MAST3: variants seen among roughly 807,000 people sequenced by gnomAD.
The protein encoded by MAST3 is microtubule-associated serine/threonine-protein kinase 3.
MAST3 carries 43 observed loss-of-function variants against 127.0 expected under a neutral mutation model. The ratio of observed to expected loss-of-function variants is 0.34; its 90% CI spans 0.27 to 0.44. The LOEUF (loss-of-function observed/expected upper bound fraction) is 0.44. MAST3 is among the 20% of genes least tolerant of loss of function. MAST3 has a pLI of 1.00. For synonymous variants in MAST3, 785 were observed against 809.2 expected, an observed-to-expected ratio of 0.97 and a Z score of 0.51; for missense variants, 1,390 against 1,919.1, an observed-to-expected ratio of 0.72 and a Z score of 5.15.
chr19:18,137,104 G>A (rs1277082257), intron 18 of MAST3, 135 bp from the exon 19 acceptor site: 24 of 1,065,922 alleles, frequency 2.3e-5, no homozygotes, highest in African/African-American at 3.2e-5. Context: ...TTACAGGTGT[G>A]AGCCACTGCG....
intron 1 of MAST3, among the ~76,000 whole-genome samples, chr19:18,102,656 A>G (rs2146808642): frequency 6.6e-6 from 1 of 151,868 alleles, no homozygotes; most frequent in Non-Finnish European, 1.5e-5. Context: ...TAATTTTTGT[A>G]TTTTAAGTAG....
At chr19:18,137,738 C>T (rs1313606392) in intron 19 of MAST3, among the ~76,000 whole-genome samples, 1 of 151,966 alleles carries the variant, frequency 6.6e-6, no homozygotes, top group Admixed American at 6.6e-5. Context: ...TTTTTGGAGG[C>T]GTCCCTGCAG....
chr19:18,130,363 A>C, intron 13 of MAST3, 131 bp from the exon 14 acceptor site: 1 of 763,506 alleles, frequency 1.3e-6, no homozygotes, highest in South Asian at 1.7e-5. Context: ...AGGTAAGGAG[A>C]ATGGGTGGCC....
intron 8 of MAST3, 47 bp from the exon 9 acceptor site, chr19:18,123,892 C>T: frequency 6.6e-7 from 1 of 1,510,190 alleles, no homozygotes; most frequent in Non-Finnish European, 8.9e-7. Flanking sequence ...GCGTGTGTCA[C>T]TCCAGCCCCG....
rs372818090 is a variant in MAST3 at position 18,147,535 on chromosome 19, C to T, written c.3419C>T (p.Ser1140Phe). 1 of 1,607,706 alleles carries T rather than the reference C, an allele frequency of 6.2e-7. No homozygotes were observed. The highest frequency in any genetic ancestry group is 8.5e-7 in the Non-Finnish European group (1 of 1,176,864). The change falls in exon 27 of 28, where the codon TCC becomes TTC. Residue 1140 changes from serine (S) to phenylalanine (F), a missense_variant. Ser to Phe is a radical substitution (Grantham distance 155). Coordinates refer to ENST00000687212, the MANE Select transcript of MAST3 (RefSeq NM_001393504.1). ...FSSGLHHSLSSSESLPGSPTH... is the reference protein window; with the variant it reads ...FSSGLHHSLSFSESLPGSPTH... Reference sequence around the variant, plus strand: ...TCCGGACTCCACCACTCACTGTCATCCAGTGAGAGCCTCCCCGGCTCGCCC... The same window carrying T: ...TCCGGACTCCACCACTCACTGTCATTCAGTGAGAGCCTCCCCGGCTCGCCC...
At chr19:18,126,572 G>C (rs1304620918) in intron 11 of MAST3, among the ~76,000 whole-genome samples, 1 of 152,156 alleles carries the variant, frequency 6.6e-6, no homozygotes, top group Non-Finnish European at 1.5e-5. Context: ...AGGAGTTTGA[G>C]ACCAGCTTGG....
intron 1 of MAST3, among the ~76,000 whole-genome samples, chr19:18,102,044 CTAA>C (rs2037677315): frequency 6.6e-6 from 1 of 151,842 alleles, no homozygotes; most frequent in South Asian, 2.1e-4. Flanking sequence ...CCACACCCGG[CTAA>C]TTTTTTGTAT....
intron 2 of MAST3, among the ~76,000 whole-genome samples, chr19:18,109,821 A>G (rs181106442): frequency 5.5e-4 from 84 of 152,244 alleles, no homozygotes; most frequent in African/African-American, 1.9e-3. Flanking sequence ...AGTGCTGAGC[A>G]GCTGGCCGGG....
In MAST3 at chr19:18,123,356, C is replaced by T. The variant is rs1225462296; in HGVS notation, c.539C>T (p.Pro180Leu). 2 of 1,612,398 alleles carry T rather than the reference C, an allele frequency of 1.2e-6. No homozygotes were observed. Among genetic ancestry groups the T allele is most frequent in the Non-Finnish European group, 1.7e-6 (2 of 1,179,662 alleles). Reference protein sequence around the residue: ...EEGGRSPRLRPRSRSLSPGRA... With the variant: ...EEGGRSPRLRLRSRSLSPGRA... ...GGCGGCCGGTCACCCCGCCTCCGAC[C>T]CCGCTCTCGCAGTCTCAGGTGGGCC... The change falls in exon 7 of 28, where the codon CCC (proline) becomes CTC (leucine). Residue 180 changes from proline to leucine, a missense_variant. This residue lies in a region of MAST3 where 277 missense variants were observed against 384.8 expected (regional missense o/e 0.72). Transcript: ENST00000687212.
At chr19:18,143,442 G>A (rs2042726478) in intron 21 of MAST3, among the ~76,000 whole-genome samples, 1 of 152,124 alleles carries the variant, frequency 6.6e-6, no homozygotes, top group Non-Finnish European at 1.5e-5. Context: ...CCAGTGTGGC[G>A]GCAGGCACCC....
At chr19:18,120,707 TG>T (rs1451656843) in intron 3 of MAST3, among the ~76,000 whole-genome samples, 4 of 151,650 alleles carry the variant, frequency 2.6e-5, no homozygotes, top group African/African-American at 9.7e-5. Context: ...GGCTAATTTT[TG>T]GTTTTTTTGT....
intron 6 of MAST3, among the ~76,000 whole-genome samples, chr19:18,122,977 T>C (rs2040177986): frequency 6.6e-6 from 1 of 152,202 alleles, no homozygotes; most frequent in Non-Finnish European, 1.5e-5. Flanking sequence ...CCTCAGCCTA[T>C]GGGGTCAGGG....
At chr19:18,134,490 C>T in intron 15 of MAST3, 89 bp from the exon 16 acceptor site, 1 of 1,470,986 alleles carries the variant, frequency 6.8e-7, no homozygotes, top group Non-Finnish European at 9.1e-7. Context: ...GAGCTCTGCC[C>T]ATCTCAGGCG....
intron 2 of MAST3, chr19:18,109,882 A>G (rs2038383972): frequency 4.3e-6 from 4 of 932,424 alleles, no homozygotes; most frequent in South Asian, 9.9e-5. Context: ...CGGCTCCCAG[A>G]GAGCCCCAGG....
At position 18,150,743 on chromosome 19, in the gene MAST3, G is replaced by A. The variant is rs1411876205; in HGVS notation, c.*1017G>A. On this transcript the variant is annotated 3_prime_UTR_variant, in exon 28 of 28. Transcript: ENST00000687212. ...AGCCTGGAGAAGGGATATGGGAGCT[G>A]GAGCTTTGATGGATGAATAGGTGTT... is the stretch of plus-strand genomic sequence containing the variant. 6.6e-6 allele frequency: 1 copy of A among 152,398 alleles called. No homozygotes were observed. The highest frequency in any genetic ancestry group is 1.5e-5 in the Non-Finnish European group (1 of 68,170). 9.4% of individuals were successfully genotyped at this position (152,398 alleles called of 1,614,324 possible).
At chr19:18,142,572 G>T (rs376533382) in intron 21 of MAST3, among the ~76,000 whole-genome samples, 1 of 151,266 alleles carries the variant, frequency 6.6e-6, no homozygotes, top group Non-Finnish European at 1.5e-5. Context: ...GGATGGTCTC[G>T]GTCTCCTGAC....
At chr19:18,111,973 T>C (rs2038699596) in intron 3 of MAST3, among the ~76,000 whole-genome samples, 1 of 152,206 alleles carries the variant, frequency 6.6e-6, no homozygotes, top group Non-Finnish European at 1.5e-5. Context: ...ACATAGTCCC[T>C]CCATCAATGA....
chr19:18,147,470 C>T lies in MAST3; in HGVS notation c.3354C>T (p.Ser1118=), dbSNP rs1023917472. 61 of 1,613,362 alleles carry T rather than the reference C, an allele frequency of 3.8e-5. No homozygotes were observed. Among genetic ancestry groups the T allele is most frequent in the African/African-American group, 5.3e-5 (4 of 74,838 alleles). The stretch of plus-strand genomic sequence containing the variant: ...GGAAGTCACTTTTCAAGAAGATCTC[C>T]AAGCAGACCTCCGTGCTGCACACCA... ...ERRKSLFKKI[S]KQTSVLHTSR... is the part of the protein sequence containing the mutation. The change falls in exon 27 of 28, where the codon TCC becomes TCT. Residue 1118 remains serine (S), a synonymous_variant. Transcript: ENST00000687212.
chr19:18,144,126 GA>G lies in MAST3; in HGVS notation c.2584+120del. On this transcript the variant is annotated intron_variant, in intron 22 of 27. Coordinates refer to ENST00000687212, the MANE Select transcript of MAST3 (RefSeq NM_001393504.1). The surrounding 1 kb of genome is among the most constrained non-coding windows in gnomAD (Gnocchi z 4.0). ...TCCAGAGCCAACAAAGGCTTTAAGA[GA>G]GGAGAAGCCAGGGTCCCAGAGAGAC... 1 of 1,382,832 alleles carries G rather than the reference GA, an allele frequency of 7.2e-7. No homozygotes were observed. Among genetic ancestry groups the G allele is most frequent in the Non-Finnish European group, 9.6e-7 (1 of 1,041,344 alleles). The allele number at this position is 1,382,832 out of a possible 1,614,324, so 85.7% of individuals were successfully genotyped here. A position where few individuals can be genotyped will look rare whatever the true frequency, so the allele number is the denominator to read the frequency against.
Sources: allele counts gnomAD v4.1 joint callset (sites outside exome capture counted in the v4.1 genomes callset), GRCh38; gene constraint gnomAD v4.1.1; regional missense constraint gnomAD v4.1.1; non-coding constraint Gnocchi (gnomAD v3.1); transcripts MANE v1.5; gene names NCBI Gene and HGNC (gene_info 2026-07-23, HGNC 2026-07-21).